Variants in FER observed in about 807,000 individuals in gnomAD.
FER encodes tyrosine-protein kinase Fer.
In FER, 63 loss-of-function variants were observed where a neutral mutation model predicts 111.0. That is an observed-to-expected ratio of 0.57 (90% CI 0.46 to 0.70). The LOEUF (loss-of-function observed/expected upper bound fraction) is 0.70, where lower values mean the gene tolerates loss of function less well. Among genes scored for constraint, FER ranks in the 30% least tolerant of loss-of-function variants. The pLI, the probability that FER is intolerant of heterozygous loss-of-function variation, is 0.00. For synonymous variants in FER, 327 were observed against 313.9 expected (o/e 1.04, Z -0.44); for missense variants, 914 against 954.0 (o/e 0.96, Z 0.55).
At position 108,941,687 on chromosome 5, in the gene FER, C is replaced by T. The variant is rs145091064; in HGVS notation, c.1237-4443C>T. 4.0e-3 allele frequency among the ~76,000 whole-genome samples: 613 copies of T among 152,274 alleles called. 14 individuals carry two copies. The highest frequency in any genetic ancestry group is 0.032 in the Admixed American group (485 of 15,278). On this transcript the variant is annotated intron_variant, in intron 10 of 19. Transcript: ENST00000281092. Reference sequence around the variant, plus strand: ...TACAAGCAAATTACACAGTTGTTTACTGAGCAAAGTCAATCAGCTCTTAAG... The same window carrying T: ...TACAAGCAAATTACACAGTTGTTTATTGAGCAAAGTCAATCAGCTCTTAAG...
At chr5:108,944,463 A>G (rs1310110529) in intron 10 of FER, among the ~76,000 whole-genome samples, 3 of 152,102 alleles carry the variant, frequency 2.0e-5, no homozygotes, top group African/African-American at 7.2e-5. Context: ...TGAGAGTATC[A>G]CCACCAGCCC....
At chr5:108,755,748 A>T (rs1751027200) in intron 1 of FER, among the ~76,000 whole-genome samples, 1 of 151,486 alleles carries the variant, frequency 6.6e-6, no homozygotes, top group Admixed American at 6.6e-5. Flanking sequence ...GGCCTCCCAA[A>T]GTGCTGGGAT....
intron 13 of FER, among the ~76,000 whole-genome samples, chr5:108,960,076 T>G (rs977737932): frequency 1.8e-4 from 28 of 152,112 alleles, no homozygotes; most frequent in Non-Finnish European, 3.4e-4. Flanking sequence ...CTTTCAGGAC[T>G]GTCTAATATG....
chr5:109,054,495 T>G (rs886604697), intron 16 of FER, among the ~76,000 whole-genome samples: 1 of 152,220 alleles, frequency 6.6e-6, no homozygotes, highest in Non-Finnish European at 1.5e-5. Flanking sequence ...AATTAAGTCT[T>G]GGTTCTTTAC....
At chr5:108,911,288 C>T (rs1448977520) in intron 10 of FER, among the ~76,000 whole-genome samples, 2 of 151,994 alleles carry the variant, frequency 1.3e-5, no homozygotes, top group Non-Finnish European at 2.9e-5. Context: ...AATGTGTGTT[C>T]ATGTCGTTTG....
intron 16 of FER, among the ~76,000 whole-genome samples, chr5:109,084,384 C>A (rs913792534): frequency 6.6e-6 from 1 of 151,812 alleles, no homozygotes; most frequent in African/African-American, 2.4e-5. Flanking sequence ...AAAGCCAGTT[C>A]TGAAAGTTCT....
intron 5 of FER, among the ~76,000 whole-genome samples, chr5:108,849,478 G>GTTGTTGTTA (rs773480769): frequency 0.099 from 14,923 of 151,446 alleles, 789 homozygotes; most frequent in Middle Eastern, 0.11. Context: ...TGTTGTTGTT[G>GTTGTTGTTA]TTTTGTTTTG....
At chr5:108,876,558 A>T (rs1030951415) in intron 8 of FER, among the ~76,000 whole-genome samples, 1 of 152,206 alleles carries the variant, frequency 6.6e-6, no homozygotes. Context: ...ATAGATTTCA[A>T]ATGTGGCACT....
intron 5 of FER, among the ~76,000 whole-genome samples, chr5:108,850,360 T>C (rs1762436975): frequency 6.6e-6 from 1 of 152,130 alleles, no homozygotes; most frequent in Non-Finnish European, 1.5e-5. Flanking sequence ...TTAAGGTGTT[T>C]CTGATTTTTC....
intron 13 of FER, among the ~76,000 whole-genome samples, chr5:109,017,255 T>G (rs1027468590): frequency 3.3e-5 from 5 of 152,022 alleles, no homozygotes; most frequent in African/African-American, 9.7e-5. Context: ...ATCCCTAGAT[T>G]TATTCAAATT....
chr5:109,155,282 C>T (rs1237819093), intron 17 of FER, among the ~76,000 whole-genome samples: 4 of 151,666 alleles, frequency 2.6e-5, no homozygotes, highest in Non-Finnish European at 4.4e-5. Flanking sequence ...AAGCAGGTTT[C>T]AAAATTTTTA....
chr5:109,039,136 G>C lies in FER; in HGVS notation c.1713+1658G>C, dbSNP rs76621156. ...TGCTTAAGAGTACATGGCTAATTAA[G>C]ACAATTAGCCATGATTCCTATTGTT... On this transcript the variant is annotated intron_variant, in intron 14 of 19. Transcript: ENST00000281092. Among the ~76,000 whole-genome samples the C allele has an allele frequency of 1.0e-2, 1,516 of 151,690 alleles. 23 individuals carry two copies. Among genetic ancestry groups the C allele is most frequent in the African/African-American group, 0.035 (1,447 of 41,410 alleles).
intron 12 of FER, among the ~76,000 whole-genome samples, chr5:108,956,432 C>G (rs978015249): frequency 2.6e-5 from 4 of 151,552 alleles, no homozygotes; most frequent in African/African-American, 7.2e-5. Flanking sequence ...ATTATCACTT[C>G]TAGTTTAAAT....
chr5:108,882,168 TA>T, intron 8 of FER, among the ~76,000 whole-genome samples: 1 of 152,210 alleles, frequency 6.6e-6, no homozygotes, highest in East Asian at 1.9e-4. Context: ...AGTGTTTTGG[TA>T]AGACACATTT....
intron 1 of FER, among the ~76,000 whole-genome samples, chr5:108,762,947 A>G (rs1202426350): frequency 2.0e-5 from 3 of 152,144 alleles, no homozygotes; most frequent in African/African-American, 7.2e-5. Flanking sequence ...TACCTACTTC[A>G]TACTTACCTT....
intron 16 of FER, among the ~76,000 whole-genome samples, chr5:109,073,141 G>A (rs1398485809): frequency 6.6e-6 from 1 of 152,064 alleles, no homozygotes; most frequent in Non-Finnish European, 1.5e-5. Context: ...CATAAATTTT[G>A]GGGGGACAAT....
At chr5:109,071,383 A>T (rs966437156) in intron 16 of FER, among the ~76,000 whole-genome samples, 3 of 152,066 alleles carry the variant, frequency 2.0e-5, no homozygotes, top group Admixed American at 2.0e-4. Context: ...TCACACAGGC[A>T]AAATGCCCTT....
intron 1 of FER, among the ~76,000 whole-genome samples, chr5:108,760,268 A>G (rs984752021): frequency 1.3e-5 from 2 of 150,616 alleles, no homozygotes; most frequent in Admixed American, 6.6e-5. Context: ...TTTCATTCCT[A>G]TAGCACAAGC....
chr5:109,067,323 C>T (rs189515814), intron 16 of FER, among the ~76,000 whole-genome samples: 343 of 141,038 alleles, frequency 2.4e-3, no homozygotes, highest in African/African-American at 8.3e-3. Flanking sequence ...ACACCAAAAC[C>T]GTCTTTCTGT....
Sources: allele counts gnomAD v4.1 joint callset (sites outside exome capture counted in the v4.1 genomes callset), GRCh38; gene constraint gnomAD v4.1.1; transcripts MANE v1.5; gene names NCBI Gene and HGNC (gene_info 2026-07-23, HGNC 2026-07-21).